The following ABCG2 variants were observed in gnomAD, a reference collection of about 807,000 sequenced individuals.
ABCG2 encodes broad substrate specificity ATP-binding cassette transporter ABCG2.
A neutral mutation model predicts 73.5 loss-of-function variants in ABCG2; 80 were observed. That is an observed-to-expected ratio of 1.09 (90% CI 0.91 to 1.31). ABCG2 has a LOEUF of 1.31. Ranked by LOEUF, ABCG2 falls within the 50% of genes most tolerant of loss-of-function variation. The pLI, the probability that ABCG2 is intolerant of heterozygous loss-of-function variation, is 0.00. For missense variants in ABCG2, 796 were observed against 786.2 expected (o/e 1.01, Z -0.15); for synonymous variants, 269 against 282.4 (o/e 0.95, Z 0.48).
chr4:88,199,758 G>T (rs1231700405), intron 1 of ABCG2, among the ~76,000 whole-genome samples: 1 of 152,174 alleles, frequency 6.6e-6, no homozygotes, highest in Non-Finnish European at 1.5e-5. Flanking sequence ...CCAGCACTTT[G>T]GGAGGCTGAG....
intron 1 of ABCG2, among the ~76,000 whole-genome samples, chr4:88,144,622 A>G (rs951805651): frequency 1.3e-5 from 2 of 151,760 alleles, no homozygotes; most frequent in African/African-American, 4.8e-5. Flanking sequence ...CGCCCAACTA[A>G]TTTTTGTATT....
chr4:88,208,236 A>G (rs551795892), intron 1 of ABCG2, among the ~76,000 whole-genome samples: 23 of 152,364 alleles, frequency 1.5e-4, no homozygotes, highest in African/African-American at 5.5e-4. Flanking sequence ...AATTCAGTAT[A>G]TATAATCATT....
intron 1 of ABCG2, among the ~76,000 whole-genome samples, chr4:88,196,093 G>A (rs1254762922): frequency 1.3e-5 from 2 of 152,084 alleles, no homozygotes; most frequent in Non-Finnish European, 2.9e-5. Context: ...ACAACTGCCT[G>A]ACCATCACCT....
At chr4:88,142,816 T>G (rs1725732146) in intron 1 of ABCG2, among the ~76,000 whole-genome samples, 1 of 152,012 alleles carries the variant, frequency 6.6e-6, no homozygotes, top group East Asian at 1.9e-4. Flanking sequence ...AGTATGCTGG[T>G]GCACACCCAT....
intron 1 of ABCG2, among the ~76,000 whole-genome samples, chr4:88,214,793 T>C (rs1729745638): frequency 6.6e-6 from 1 of 152,164 alleles, no homozygotes; most frequent in Admixed American, 6.5e-5. Flanking sequence ...GTTTGTTTGC[T>C]TGTTTGTTTT....
chr4:88,140,544 C>T (rs1725560222), intron 1 of ABCG2, among the ~76,000 whole-genome samples: 1 of 152,010 alleles, frequency 6.6e-6, no homozygotes, highest in African/African-American at 2.4e-5. Flanking sequence ...ATGGCTTGAA[C>T]CAGGGAGGCA....
At chr4:88,195,447 G>T (rs546752725) in intron 1 of ABCG2, among the ~76,000 whole-genome samples, 3 of 152,178 alleles carry the variant, frequency 2.0e-5, no homozygotes, top group Non-Finnish European at 4.4e-5. Context: ...GCAGCAGAAG[G>T]TATCCTAGTC....
At chr4:88,230,665 C>A (rs771986554) in intron 1 of ABCG2, among the ~76,000 whole-genome samples, 1 of 152,096 alleles carries the variant, frequency 6.6e-6, no homozygotes, top group African/African-American at 2.4e-5. Flanking sequence ...AGGTGCTCAA[C>A]ATAAATCATG....
At chr4:88,175,010 T>C (rs1046852655) in intron 1 of ABCG2, among the ~76,000 whole-genome samples, 1 of 152,202 alleles carries the variant, frequency 6.6e-6, no homozygotes, top group Non-Finnish European at 1.5e-5. Context: ...CTTGTTTTTG[T>C]CAGGTTTGTG....
intron 9 of ABCG2, among the ~76,000 whole-genome samples, chr4:88,109,867 A>T (rs1723013951): frequency 6.6e-6 from 1 of 152,226 alleles, no homozygotes; most frequent in Admixed American, 6.5e-5. Flanking sequence ...TGAATCAGGA[A>T]TCATTAAGCT....
At chr4:88,145,103 T>C (rs1010262413) in intron 1 of ABCG2, among the ~76,000 whole-genome samples, 4 of 152,146 alleles carry the variant, frequency 2.6e-5, no homozygotes, top group South Asian at 4.1e-4. Context: ...CTTTTTTTTT[T>C]CCTAGGATGA....
At chr4:88,227,763 T>C (rs1730282590) in intron 1 of ABCG2, among the ~76,000 whole-genome samples, 1 of 152,218 alleles carries the variant, frequency 6.6e-6, no homozygotes, top group South Asian at 2.1e-4. Context: ...TGAGTAATTT[T>C]GACCAAAACA....
At chr4:88,111,276 C>T (rs1723116729) in intron 9 of ABCG2, among the ~76,000 whole-genome samples, 1 of 152,130 alleles carries the variant, frequency 6.6e-6, no homozygotes, top group South Asian at 2.1e-4. Context: ...AATAAGTAAC[C>T]CAGGTTGATC....
At chr4:88,150,652 C>T (rs1726403232) in intron 1 of ABCG2, among the ~76,000 whole-genome samples, 1 of 152,200 alleles carries the variant, frequency 6.6e-6, no homozygotes, top group African/African-American at 2.4e-5. Context: ...TTAACAACAG[C>T]TGATGAGCTA....
chr4:88,130,760 T>C (rs1237873654), intron 5 of ABCG2, among the ~76,000 whole-genome samples: 1 of 152,144 alleles, frequency 6.6e-6, no homozygotes, highest in Admixed American at 6.5e-5. Context: ...AGACACGGAA[T>C]GAGACGTGAC....
chr4:88,202,354 T>TATATATATATATATATA (rs1553945717), intron 1 of ABCG2, among the ~76,000 whole-genome samples: 2,374 of 61,828 alleles, frequency 0.038, 723 homozygotes, highest in East Asian at 0.084. Context: ...CTACAATTAT[T>TATATATATATATATATA]TATATATATA....
chr4:88,140,991 C>A (rs187744917), intron 1 of ABCG2, among the ~76,000 whole-genome samples: 1 of 151,966 alleles, frequency 6.6e-6, no homozygotes, highest in Admixed American at 6.6e-5. Flanking sequence ...TACAAAAGGC[C>A]TCAAAAAAGA....
At chr4:88,124,173 T>C (rs796969367) in intron 5 of ABCG2, among the ~76,000 whole-genome samples, 37 of 152,264 alleles carry the variant, frequency 2.4e-4, no homozygotes, top group African/African-American at 8.2e-4. Context: ...GCACTAAATA[T>C]AGAACAGAAA....
At chr4:88,196,029 C>T (rs1017102915) in intron 1 of ABCG2, among the ~76,000 whole-genome samples, 14 of 152,240 alleles carry the variant, frequency 9.2e-5, no homozygotes, top group South Asian at 4.1e-4. Flanking sequence ...TATTGGGAGA[C>T]GACCTTTCCC....
Sources: allele counts gnomAD v4.1 joint callset (sites outside exome capture counted in the v4.1 genomes callset), GRCh38; gene constraint gnomAD v4.1.1; transcripts MANE v1.5; gene names NCBI Gene and HGNC (gene_info 2026-07-23, HGNC 2026-07-21).